SMG5: variants seen among roughly 807,000 people sequenced by gnomAD.
The protein encoded by SMG5 is SMG5 nonsense mediated mRNA decay factor.
Under a neutral mutation model 122.9 loss-of-function variants are expected in SMG5, and 53 were observed. That is an observed-to-expected ratio of 0.43 (90% CI 0.35 to 0.54). SMG5 has a LOEUF of 0.54. SMG5 is among the 20% of genes least tolerant of loss of function. The pLI, the probability that SMG5 is intolerant of heterozygous loss-of-function variation, is 0.01. For missense variants in SMG5, 1,153 were observed against 1,285.6 expected, an observed-to-expected ratio of 0.90 and a Z score of 1.58; for synonymous variants, 477 against 490.2, an observed-to-expected ratio of 0.97 and a Z score of 0.35.
chr1:156,285,614 G>A (rs748513440), upstream of SMG5: 14 of 1,614,078 alleles, frequency 8.7e-6, no homozygotes, highest in South Asian at 5.5e-5. Context: ...CCGTGCCTTC[G>A]TGCCTATTGA....
chr1:156,252,265 A>T, intron 19 of SMG5, 149 bp downstream of exon 19: 1 of 654,044 alleles, frequency 1.5e-6, no homozygotes, highest in Non-Finnish European at 2.7e-6. Context: ...TATCTCTGGT[A>T]TCACTCCCCA....
Position 156,277,099 on chromosome 1 carries a change from G to A in SMG5, c.440C>T (p.Thr147Ile). 1 of 1,613,622 alleles carries A rather than the reference G, an allele frequency of 6.2e-7. No individual in the cohort carries two copies. The highest frequency in any genetic ancestry group is 8.5e-7 in the Non-Finnish European group (1 of 1,179,794). Residue 147 changes from threonine (T) to isoleucine (I), a missense_variant, in exon 4 of 22, where the codon ACT (threonine) becomes ATT (isoleucine). Physicochemically the swap from Thr to Ile is moderately conservative, Grantham distance 89. Coordinates refer to ENST00000361813, the MANE Select transcript of SMG5 (RefSeq NM_015327.3). ...GTTCCACTGACCTATGAGGGGGTCAGTGACATGGGTCCAGTCGATGCAGCA... is the reference window on the plus strand; with the variant it reads ...GTTCCACTGACCTATGAGGGGGTCAATGACATGGGTCCAGTCGATGCAGCA... ...LQCCIDWTHV[T>I]DPLIGCKKPV... is the part of the protein sequence containing the mutation.
At chr1:156,277,859 C>T (rs531230607) in intron 3 of SMG5, 66 bp downstream of exon 3, 40 of 1,597,128 alleles carry the variant, frequency 2.5e-5, no homozygotes, top group Middle Eastern at 1.7e-4. Flanking sequence ...CCATGTTCTG[C>T]GCCCACTTTC....
chr1:156,277,966 C>T lies in SMG5; in HGVS notation c.256G>A (p.Val86Ile), dbSNP rs142253945. 1,434 of 1,614,152 alleles carry T rather than the reference C, an allele frequency of 8.9e-4. No individual in the cohort carries two copies. Among genetic ancestry groups the T allele is most frequent in the Non-Finnish European group, 1.1e-3 (1,352 of 1,180,008 alleles). Residue 86 changes from valine to isoleucine, a missense_variant, in exon 3 of 22, where the codon GTA (valine) becomes ATA (isoleucine). Val to Ile is a conservative substitution (Grantham distance 29). This residue lies in a region of SMG5 where 213 missense variants were observed against 197.5 expected (regional missense o/e 1.08). Coordinates refer to ENST00000361813, the MANE Select transcript of SMG5 (RefSeq NM_015327.3). Reference sequence around the variant, plus strand: ...ATAAGCTGGATAACTTCATAGTATACCTTTCTCCACAGCAGCTCCTCAGCC... The same window carrying T: ...ATAAGCTGGATAACTTCATAGTATATCTTTCTCCACAGCAGCTCCTCAGCC... Reference protein sequence around the residue: ...RKAEELLWRKVYYEVIQLIKT... With the variant: ...RKAEELLWRKIYYEVIQLIKT...
intron 13 of SMG5, 146 bp from the exon 14 acceptor site, chr1:156,261,554 GACA>G (rs1264051794): frequency 1.0e-5 from 7 of 681,162 alleles, no homozygotes; most frequent in African/African-American, 1.8e-5. Flanking sequence ...AAGAAGCCTG[GACA>G]ACAAGGCAAA....
chr1:156,277,340 T>C, intron 3 of SMG5, 99 bp from the exon 4 acceptor site: 1 of 1,300,634 alleles, frequency 7.7e-7, no homozygotes, highest in East Asian at 2.5e-5. Flanking sequence ...TGGAACTTCA[T>C]CTACATCTAC....
chr1:156,267,998 T>G, intron 9 of SMG5, 117 bp downstream of exon 9: 1 of 1,068,728 alleles, frequency 9.4e-7, no homozygotes, highest in Non-Finnish European at 1.4e-6. Flanking sequence ...ATGAATTGGT[T>G]ACGGATGTTC....
upstream of SMG5, among the ~76,000 whole-genome samples, chr1:156,284,639 C>T (rs1362176176): frequency 6.6e-6 from 1 of 152,160 alleles, no homozygotes; most frequent in Non-Finnish European, 1.5e-5. Context: ...GACCAAGTAC[C>T]AGTGAAGGAA....
chr1:156,249,406 A>G lies in SMG5; in HGVS notation c.*1181T>C. On this transcript the variant is annotated 3_prime_UTR_variant, in exon 22 of 22. Transcript: ENST00000361813. ...AGGCTAGTACTGGGGTGGGGGCAGCAGAGCTGAGACCCTCCACCCCGAGCC... is the reference window on the plus strand; with the variant it reads ...AGGCTAGTACTGGGGTGGGGGCAGCGGAGCTGAGACCCTCCACCCCGAGCC... 1 of 285,076 alleles carries G rather than the reference A, an allele frequency of 3.5e-6. No individual in the cohort carries two copies. The highest frequency in any genetic ancestry group is 6.9e-6 in the Non-Finnish European group (1 of 145,020). 17.7% of individuals were successfully genotyped at this position (285,076 alleles called of 1,614,324 possible). A position where few individuals can be genotyped will look rare whatever the true frequency, so the allele number is the denominator to read the frequency against.
chr1:156,265,419 A>G (rs1377747881), intron 12 of SMG5, among the ~76,000 whole-genome samples: 1 of 152,158 alleles, frequency 6.6e-6, no homozygotes, highest in Admixed American at 6.5e-5. Context: ...GTCTCACTCT[A>G]ATGCACCTGC....
At chr1:156,273,283 C>T in intron 6 of SMG5, 78 bp downstream of exon 6, 6 of 1,171,232 alleles carry the variant, frequency 5.1e-6, no homozygotes, top group Middle Eastern at 2.8e-4. Context: ...TGAGTATGAA[C>T]TGCCTGCCAT....
the SMG5 span, chr1:156,291,016 T>A: frequency 8.6e-6 from 2 of 232,446 alleles, no homozygotes; most frequent in Admixed American, 5.1e-5. Flanking sequence ...GGCCCGCATC[T>A]GTAATCCCAG....
At chr1:156,266,923 G>A (rs1260278456) in intron 10 of SMG5, among the ~76,000 whole-genome samples, 1 of 152,022 alleles carries the variant, frequency 6.6e-6, no homozygotes, top group Non-Finnish European at 1.5e-5. Context: ...TTACAGGCGT[G>A]AGGCACTGTA....
intron 13 of SMG5, among the ~76,000 whole-genome samples, chr1:156,262,029 T>C (rs1436590258): frequency 1.3e-5 from 2 of 152,062 alleles, no homozygotes; most frequent in African/African-American, 4.8e-5. Flanking sequence ...GCCACTGCAC[T>C]GCAGCCTGGG....
upstream of SMG5, among the ~76,000 whole-genome samples, chr1:156,287,122 C>A (rs2104404): frequency 0.22 from 32,368 of 149,962 alleles, 3,677 homozygotes; most frequent in Admixed American, 0.32. Flanking sequence ...GACTTCATCT[C>A]AAAAAAATAA....
chr1:156,273,510 C>A, intron 5 of SMG5, 60 bp from the exon 6 acceptor site: 1 of 1,500,046 alleles, frequency 6.7e-7, no homozygotes, highest in East Asian at 2.3e-5. Flanking sequence ...AAACCCTCCC[C>A]CACATCTGGG....
chr1:156,257,014 C>T (rs1661608568), intron 16 of SMG5, among the ~76,000 whole-genome samples: 1 of 151,768 alleles, frequency 6.6e-6, no homozygotes, highest in Non-Finnish European at 1.5e-5. Context: ...GCAACATCTG[C>T]CTCCCAGGTT....
upstream of SMG5, among the ~76,000 whole-genome samples, chr1:156,284,794 G>A (rs570652353): frequency 2.0e-5 from 3 of 152,306 alleles, no homozygotes; most frequent in African/African-American, 7.2e-5. Context: ...AAGATCCTCA[G>A]TGGGAAAGAA....
At chr1:156,261,281 TG>T in intron 14 of SMG5, 51 bp downstream of exon 14, 1 of 1,562,946 alleles carries the variant, frequency 6.4e-7, no homozygotes, top group Non-Finnish European at 8.8e-7. Flanking sequence ...ATGGGCTTAG[TG>T]GGGACAATGA....
Sources: gnomAD v4.1 joint callset for allele counts (sites outside exome capture counted in the v4.1 genomes callset) on GRCh38, gnomAD v4.1.1 for gene constraint, gnomAD v4.1.1 regional missense constraint, MANE v1.5 for transcripts, NCBI Gene and HGNC (gene_info 2026-07-23, HGNC 2026-07-21) for gene names.